ARHGAP26: variants seen among roughly 807,000 people sequenced by gnomAD.
ARHGAP26 encodes the protein Rho GTPase activating protein 26.
ARHGAP26 carries 38 observed loss-of-function variants against 104.8 expected under a neutral mutation model. That is an observed-to-expected ratio of 0.36 (90% CI 0.28 to 0.48). ARHGAP26 has a LOEUF of 0.48. Among genes scored for constraint, ARHGAP26 ranks in the 20% least tolerant of loss-of-function variants. The pLI is 0.99. For missense variants in ARHGAP26, 704 were observed against 947.9 expected, an observed-to-expected ratio of 0.74 and a Z score of 3.38; for synonymous variants, 341 against 340.0, an observed-to-expected ratio of 1.00 and a Z score of -0.03.
At chr5:143,037,505 C>T (rs1438253225) in intron 13 of ARHGAP26, among the ~76,000 whole-genome samples, 1 of 152,124 alleles carries the variant, frequency 6.6e-6, no homozygotes, top group Non-Finnish European at 1.5e-5. Flanking sequence ...ATTATAGAAA[C>T]CAGTTACTGA....
At chr5:143,044,937 A>C (rs1480679486) in intron 14 of ARHGAP26, among the ~76,000 whole-genome samples, 5 of 152,198 alleles carry the variant, frequency 3.3e-5, no homozygotes, top group Non-Finnish European at 7.4e-5. Flanking sequence ...CTTTTAACCA[A>C]CTTGATATGG....
At chr5:143,177,127 C>T (rs1803577597) in intron 20 of ARHGAP26, among the ~76,000 whole-genome samples, 1 of 152,198 alleles carries the variant, frequency 6.6e-6, no homozygotes, top group Admixed American at 6.5e-5. Flanking sequence ...CTTTCTGCTT[C>T]AATGTGCTGG....
At chr5:142,795,155 G>A (rs1293234030) in intron 1 of ARHGAP26, among the ~76,000 whole-genome samples, 1 of 151,360 alleles carries the variant, frequency 6.6e-6, no homozygotes, top group Non-Finnish European at 1.5e-5. Context: ...CCCCCAGAAT[G>A]GGTTTTGGAG....
chr5:143,002,214 C>T (rs1777278234), intron 11 of ARHGAP26, among the ~76,000 whole-genome samples: 3 of 152,160 alleles, frequency 2.0e-5, no homozygotes, highest in African/African-American at 2.4e-5. Context: ...CGTTGTTTCT[C>T]CTGGGCTGGG....
intron 1 of ARHGAP26, among the ~76,000 whole-genome samples, chr5:142,853,849 C>G (rs1751934177): frequency 6.6e-6 from 1 of 152,134 alleles, no homozygotes; most frequent in Non-Finnish European, 1.5e-5. Flanking sequence ...ATGCGTGTTT[C>G]TGTTTGTAGT....
At chr5:143,157,511 G>A (rs887859184) in intron 20 of ARHGAP26, among the ~76,000 whole-genome samples, 3 of 152,114 alleles carry the variant, frequency 2.0e-5, no homozygotes, top group Non-Finnish European at 4.4e-5. Flanking sequence ...GAACTTCTGA[G>A]CCTTTAATAT....
chr5:142,896,321 A>G (rs1018389583), intron 6 of ARHGAP26, among the ~76,000 whole-genome samples: 2 of 152,070 alleles, frequency 1.3e-5, no homozygotes, highest in Non-Finnish European at 2.9e-5. Context: ...CTTGCTTTTG[A>G]TGAGTTTTTT....
At chr5:142,864,670 C>G (rs1753943699) in intron 1 of ARHGAP26, among the ~76,000 whole-genome samples, 2 of 152,210 alleles carry the variant, frequency 1.3e-5, no homozygotes, top group Non-Finnish European at 2.9e-5. Context: ...TGGTAAACTT[C>G]CACTCCACCT....
At chr5:142,888,301 G>A (rs1758007492) in intron 5 of ARHGAP26, among the ~76,000 whole-genome samples, 1 of 152,320 alleles carries the variant, frequency 6.6e-6, no homozygotes, top group Middle Eastern at 3.4e-3. Flanking sequence ...TCTGGGGAGG[G>A]ATGTTGAGGC....
intron 18 of ARHGAP26, among the ~76,000 whole-genome samples, chr5:143,132,286 C>T (rs912793012): frequency 7.9e-5 from 12 of 151,772 alleles, no homozygotes; most frequent in Non-Finnish European, 1.3e-4. Context: ...TCCTACACAT[C>T]GGCTTTTGAG....
chr5:143,008,690 GC>G (rs1778334397), intron 11 of ARHGAP26, among the ~76,000 whole-genome samples: 1 of 152,200 alleles, frequency 6.6e-6, no homozygotes, highest in African/African-American at 2.4e-5. Flanking sequence ...GTATGGCTAA[GC>G]TCTAATGCAG....
chr5:143,080,625 C>T (rs1789664273), intron 17 of ARHGAP26, among the ~76,000 whole-genome samples: 1 of 152,188 alleles, frequency 6.6e-6, no homozygotes, highest in East Asian at 1.9e-4. Context: ...TGGGCGTGGT[C>T]ACGGAACAGT....
chr5:142,900,368 T>C (rs1760135240), intron 6 of ARHGAP26, among the ~76,000 whole-genome samples: 1 of 152,074 alleles, frequency 6.6e-6, no homozygotes, highest in Non-Finnish European at 1.5e-5. Flanking sequence ...CACTGGATAG[T>C]TTTATAGCCA....
Position 143,134,116 on chromosome 5 carries a change from G to A in ARHGAP26, c.1837+11G>A. ...AGTCAACAGAGAAACGTGAGTCTTT[G>A]CTGCATAGGGCCAGCGTGGCATTCA... On this transcript the variant is annotated intron_variant, in intron 19 of 22. Transcript: ENST00000645722. 1 of 1,606,196 alleles carries A rather than the reference G, an allele frequency of 6.2e-7. No individual in the cohort carries two copies. The highest frequency in any genetic ancestry group is 8.5e-7 in the Non-Finnish European group (1 of 1,175,574).
chr5:143,167,482 CAAAAAAAAAAAAAAAAAAAAAAAAAA>C (rs6149274), intron 20 of ARHGAP26, among the ~76,000 whole-genome samples: 2 of 60,094 alleles, frequency 3.3e-5, no homozygotes, highest in Non-Finnish European at 5.5e-5. Flanking sequence ...GACTCCATCT[CAAAAAAAAAAAAAAAAAAAAAAAAAA>C]AAAAAAAAAA....
At chr5:142,917,891 A>G (rs1296916307) in intron 10 of ARHGAP26, among the ~76,000 whole-genome samples, 1 of 151,850 alleles carries the variant, frequency 6.6e-6, no homozygotes, top group East Asian at 1.9e-4. Flanking sequence ...GACAGCTAGC[A>G]TGAGTAGGAG....
chr5:142,774,142 C>T, intron 1 of ARHGAP26, among the ~76,000 whole-genome samples: 1 of 152,106 alleles, frequency 6.6e-6, no homozygotes, highest in South Asian at 2.1e-4. Context: ...GCTTCAGTAC[C>T]TTGTGAATAA....
intron 1 of ARHGAP26, among the ~76,000 whole-genome samples, chr5:142,847,445 C>T (rs1045790083): frequency 1.3e-5 from 2 of 151,948 alleles, no homozygotes; most frequent in African/African-American, 4.8e-5. Flanking sequence ...GCAACCTCTG[C>T]CTCCCGGGTT....
intron 18 of ARHGAP26, among the ~76,000 whole-genome samples, chr5:143,133,053 T>A (rs1308653628): frequency 1.3e-5 from 2 of 152,128 alleles, no homozygotes; most frequent in Non-Finnish European, 2.9e-5. Flanking sequence ...CTGCAATAAG[T>A]GGTGGCTACT....
Sources: allele counts gnomAD v4.1 joint callset (sites outside exome capture counted in the v4.1 genomes callset), GRCh38; gene constraint gnomAD v4.1.1; transcripts MANE v1.5; gene names NCBI Gene and HGNC (gene_info 2026-07-23, HGNC 2026-07-21).